The following KIF13A variants were observed in gnomAD, a reference collection of about 807,000 sequenced individuals.
KIF13A encodes kinesin-like protein KIF13A.
KIF13A carries 79 observed loss-of-function variants against 212.2 expected under a neutral mutation model. That is an observed-to-expected ratio of 0.37 (90% CI 0.31 to 0.45). The LOEUF is 0.45. Ranked by LOEUF, KIF13A falls within the 20% of genes least tolerant of loss-of-function variation. The pLI is 1.00. For missense variants in KIF13A, 1,901 were observed against 2,209.0 expected (o/e 0.86, Z 2.79); for synonymous variants, 789 against 808.6 (o/e 0.98, Z 0.41).
chr6:17,846,991 C>T (rs1273212094), intron 9 of KIF13A, among the ~76,000 whole-genome samples: 1 of 152,220 alleles, frequency 6.6e-6, no homozygotes, highest in Non-Finnish European at 1.5e-5. Flanking sequence ...GTTTTCTCAT[C>T]TGTAAAATGG....
At chr6:17,875,414 TC>T (rs1281957636) in intron 3 of KIF13A, among the ~76,000 whole-genome samples, 1 of 151,882 alleles carries the variant, frequency 6.6e-6, no homozygotes, top group Non-Finnish European at 1.5e-5. Context: ...TCTTGGTGCT[TC>T]CCCTGTAAGG....
rs1366313605 is a variant in KIF13A at position 17,953,385 on chromosome 6, A to AT, written c.146+33668dup. On this transcript the variant is annotated intron_variant, in intron 2 of 38. Coordinates refer to ENST00000259711, the MANE Select transcript of KIF13A (RefSeq NM_022113.6). ...TAGACAGTAAAAGGGAAGAAAGGAG[A>AT]TTTTTTATTATTTCTCCTCTCTTAA... Among the ~76,000 whole-genome samples the AT allele has an allele frequency of 7.9e-5, 12 of 152,286 alleles. No individual in the cohort carries two copies. The South Asian group carries it at 1.0e-3, about 13-fold the overall frequency.
Position 17,764,923 on chromosome 6 carries a change from C to T in KIF13A, c.4605G>A (p.Glu1535=), listed in dbSNP as rs1459768687. The T allele has an allele frequency of 1.9e-6, 3 of 1,611,062 alleles. No homozygotes were observed. The highest frequency in any genetic ancestry group is 2.2e-5 in the South Asian group (2 of 90,458). Residue 1535 remains glutamate (E), a synonymous_variant, in exon 39 of 39, where the codon GAG becomes GAA. Transcript: ENST00000259711. This position sits in a 1 kb window ranked among gnomAD's most constrained non-coding sequence, Gnocchi z 5.1. ...TTAGCTTCCTGTTAATAGCTTCCAGCTCATTTTCTTCCTCCTCAGAGTCCT... is the reference window on the plus strand; with the variant it reads ...TTAGCTTCCTGTTAATAGCTTCCAGTTCATTTTCTTCCTCCTCAGAGTCCT... ...KKIDSEEEEN[E]LEAINRKLIS... is the part of the protein sequence containing the mutation.
Position 17,834,390 on chromosome 6 carries a change from G to A in KIF13A, c.1156-319C>T, listed in dbSNP as rs1236416715. On this transcript the variant is annotated intron_variant, in intron 11 of 38. Transcript: ENST00000259711. This position sits in a 1 kb window ranked among gnomAD's most constrained non-coding sequence, Gnocchi z 4.0. ...TTTGAAATAGATAAGCAGGACAAAA[G>A]GTTACTTAAGCAGACTTCTTTTTCA... Among the ~76,000 whole-genome samples the A allele has an allele frequency of 6.6e-6, 1 of 152,152 alleles. No homozygotes were observed. The highest frequency in any genetic ancestry group is 1.9e-4 in the East Asian group (1 of 5,194).
At chr6:17,831,064 G>T in intron 13 of KIF13A, 37 bp downstream of exon 13, 1 of 1,585,380 alleles carries the variant, frequency 6.3e-7, no homozygotes, top group Non-Finnish European at 8.6e-7. Flanking sequence ...GTATAGGAAT[G>T]AATCTTGATT....
Position 17,828,330 on chromosome 6 carries a change from T to G in KIF13A, c.1442A>C (p.Gln481Pro). The part of the protein sequence containing the change: ...RVGADTSQDI[Q>P]LFGIGIQPQH... Reference sequence around the variant, plus strand: ...AGGCTGAATTCCTATGCCAAAAAGCTGGATATCTTGAGAGGTATCTGCACC... The same window carrying G: ...AGGCTGAATTCCTATGCCAAAAAGCGGGATATCTTGAGAGGTATCTGCACC... Residue 481 changes from glutamine to proline, a missense_variant, in exon 14 of 39, where the codon CAG becomes CCG. Gln to Pro is a moderately conservative substitution (Grantham distance 76, BLOSUM62 -1). This residue lies in a region of KIF13A where 506 missense variants were observed against 637.4 expected (regional missense o/e 0.79). Coordinates refer to ENST00000259711, the MANE Select transcript of KIF13A (RefSeq NM_022113.6). The surrounding 1 kb of genome is among the most constrained non-coding windows in gnomAD (Gnocchi z 4.3). 1 of 1,611,708 alleles carries G rather than the reference T, an allele frequency of 6.2e-7. No homozygotes were observed. Among genetic ancestry groups the G allele is most frequent in the Non-Finnish European group, 8.5e-7 (1 of 1,178,884 alleles).
chr6:17,800,362 T>G (rs971675571), intron 20 of KIF13A, among the ~76,000 whole-genome samples: 1 of 151,834 alleles, frequency 6.6e-6, no homozygotes, highest in East Asian at 1.9e-4. Flanking sequence ...TCCTCAAATG[T>G]ATCCTTCCAA....
At chr6:17,937,739 C>CTTTTTTTTTTTTT (rs1487188222) in intron 2 of KIF13A, among the ~76,000 whole-genome samples, 2 of 128,428 alleles carry the variant, frequency 1.6e-5, no homozygotes, top group African/African-American at 2.8e-5. Flanking sequence ...AATTTCTTTC[C>CTTTTTTTTTTTTT]TTTTTTGTTT....
chr6:17,956,566 T>A (rs1393475347), intron 2 of KIF13A, among the ~76,000 whole-genome samples: 1 of 152,210 alleles, frequency 6.6e-6, no homozygotes, highest in Non-Finnish European at 1.5e-5. Context: ...GATATTATGG[T>A]GATAGACATA....
Position 17,789,968 on chromosome 6 carries a change from G to A in KIF13A, c.3223-58C>T, listed in dbSNP as rs1761395611. On this transcript the variant is annotated intron_variant, in intron 25 of 38. Transcript: ENST00000259711. The surrounding 1 kb of genome is among the most constrained non-coding windows in gnomAD (Gnocchi z 4.8). ...ATTTTGTTTTTCAAACCACATACAG[G>A]GAAAATAATTATTTAAGCTTAACAC... The A allele has an allele frequency of 3.0e-6, 4 of 1,336,688 alleles. No homozygotes were observed. Among genetic ancestry groups the A allele is most frequent in the African/African-American group, 2.9e-5 (2 of 69,258 alleles). 82.8% of individuals were successfully genotyped at this position (1,336,688 alleles called of 1,614,324 possible). A position where few individuals can be genotyped will look rare whatever the true frequency, so the allele number is the denominator to read the frequency against.
chr6:17,976,353 G>A (rs1025072662), intron 2 of KIF13A, among the ~76,000 whole-genome samples: 12 of 152,234 alleles, frequency 7.9e-5, no homozygotes, highest in Admixed American at 3.3e-4. Context: ...GCTAAGGCCC[G>A]GCGAGAAATC....
In KIF13A at chr6:17,843,141, T is replaced by A. The variant is rs903253196; in HGVS notation, c.831-5558A>T. On this transcript the variant is annotated intron_variant, in intron 9 of 38. Transcript: ENST00000259711. This position sits in a 1 kb window ranked among gnomAD's most constrained non-coding sequence, Gnocchi z 5.3. ...CAGACGGTGTAATTTGCCATACACATTCCTCCATGCAATTACTGTGCTTGG... is the reference window on the plus strand; with the variant it reads ...CAGACGGTGTAATTTGCCATACACAATCCTCCATGCAATTACTGTGCTTGG... Among the ~76,000 whole-genome samples, 1 of 152,338 alleles carries A rather than the reference T, an allele frequency of 6.6e-6. No homozygotes were observed. The highest frequency in any genetic ancestry group is 2.1e-4 in the South Asian group (1 of 4,826).
chr6:17,796,181 C>G (rs1409766363), intron 23 of KIF13A, among the ~76,000 whole-genome samples: 2 of 141,470 alleles, frequency 1.4e-5, no homozygotes, highest in Non-Finnish European at 3.1e-5. Context: ...AGCCTGTATT[C>G]TTTTTTTTTT....
chr6:17,804,811 TAAAAAAAAAAA>T lies in KIF13A; in HGVS notation c.2305-312_2305-302del, dbSNP rs56785510. Among the ~76,000 whole-genome samples, 31 of 23,302 alleles carry T rather than the reference TAAAAAAAAAAA, an allele frequency of 1.3e-3. 1 individual carries two copies. The highest frequency in any genetic ancestry group is 9.4e-3 in the South Asian group (4 of 424). The allele number at this position is 23,302 out of a possible 152,430, so 15.3% of individuals were successfully genotyped here. A position where few individuals can be genotyped will look rare whatever the true frequency, so the allele number is the denominator to read the frequency against. On this transcript the variant is annotated intron_variant, in intron 19 of 38. Coordinates refer to ENST00000259711, the MANE Select transcript of KIF13A (RefSeq NM_022113.6). The stretch of plus-strand genomic sequence containing the variant: ...TGACAGAGCGAGACTCTGTCTCCAT[TAAAAAAAAAAA>T]AAAAAAAAAAAAAAAAAAAAAAAGA...
At chr6:17,814,007 C>T (rs1485015601) in intron 17 of KIF13A, among the ~76,000 whole-genome samples, 3 of 133,152 alleles carry the variant, frequency 2.3e-5, no homozygotes, top group East Asian at 4.6e-4. Flanking sequence ...GGCTGGAGTG[C>T]AGTGGCATGA....
intron 3 of KIF13A, among the ~76,000 whole-genome samples, chr6:17,876,622 A>AACAT (rs1554188916): frequency 1.0e-5 from 1 of 97,174 alleles, no homozygotes; most frequent in Non-Finnish European, 2.1e-5. Flanking sequence ...TGTGTGAGAC[A>AACAT]GCATTCATTC....
At chr6:17,941,520 T>C (rs531865011) in intron 2 of KIF13A, among the ~76,000 whole-genome samples, 1 of 152,218 alleles carries the variant, frequency 6.6e-6, no homozygotes, top group South Asian at 2.1e-4. Flanking sequence ...TGGGACCTAA[T>C]GCATTATGAC....
chr6:17,796,768 G>T lies in KIF13A; in HGVS notation c.2843C>A (p.Ala948Glu). The T allele has an allele frequency of 6.3e-7, 1 of 1,580,462 alleles. No individual in the cohort carries two copies. The highest frequency in any genetic ancestry group is 8.6e-7 in the Non-Finnish European group (1 of 1,161,262). ...EEFLEFISDG[A>E]LAIEVWGHRC... ...GTGGCCCCATACTTCAATGGCCAGT[G>T]CTCCATCTGAAATGAACTCCAGAAA... The change falls in exon 23 of 39, where the codon GCA (alanine) becomes GAA (glutamate). Residue 948 changes from alanine (A) to glutamate (E), a missense_variant. Around this residue, in one of 5 missense-constraint regions of KIF13A, gnomAD observed 534 missense variants for 536.9 expected, o/e 0.99. Transcript: ENST00000259711.
intron 2 of KIF13A, among the ~76,000 whole-genome samples, chr6:17,956,334 C>G (rs536015742): frequency 6.6e-6 from 1 of 152,154 alleles, no homozygotes; most frequent in Non-Finnish European, 1.5e-5. Context: ...CAAAGAAGGT[C>G]CAGAAAAATC....
Sources: allele counts gnomAD v4.1 joint callset (sites outside exome capture counted in the v4.1 genomes callset), GRCh38; gene constraint gnomAD v4.1.1; regional missense constraint gnomAD v4.1.1; non-coding constraint Gnocchi (gnomAD v3.1); transcripts MANE v1.5; gene names NCBI Gene and HGNC (gene_info 2026-07-23, HGNC 2026-07-21).